LRRIQ3: variants seen among roughly 807,000 people sequenced by gnomAD.
The protein encoded by LRRIQ3 is leucine-rich repeat and IQ domain-containing protein 3.
A neutral mutation model predicts 59.3 loss-of-function variants in LRRIQ3; 75 were observed. The observed-to-expected ratio is 1.26, with a 90% confidence interval of 1.05 to 1.53. The LOEUF (loss-of-function observed/expected upper bound fraction) is 1.53. Ranked by LOEUF, LRRIQ3 falls within the 40% of genes most tolerant of loss-of-function variation. LRRIQ3 has a pLI of 0.00. For synonymous variants in LRRIQ3, 250 were observed against 231.3 expected, an observed-to-expected ratio of 1.08 and a Z score of -0.73; for missense variants, 831 against 710.0, an observed-to-expected ratio of 1.17 and a Z score of -1.94.
At chr1:74,197,038 T>G (rs1178744483) in intron 1 of LRRIQ3, among the ~76,000 whole-genome samples, 1 of 152,232 alleles carries the variant, frequency 6.6e-6, no homozygotes, top group East Asian at 1.9e-4. Flanking sequence ...TTTGGTTACT[T>G]TCACTCAAGT....
intron 4 of LRRIQ3, among the ~76,000 whole-genome samples, chr1:74,130,537 C>T (rs945839863): frequency 1.3e-5 from 2 of 152,114 alleles, no homozygotes; most frequent in Non-Finnish European, 2.9e-5. Context: ...TCTTGAGTGG[C>T]TCCTTCATTG....
chr1:74,182,182 C>A (rs1650020260), intron 3 of LRRIQ3: 1 of 152,630 alleles, frequency 6.6e-6, no homozygotes, highest in Non-Finnish European at 1.5e-5. Context: ...AATATTTTAT[C>A]TTCTAATAAT....
chr1:74,107,083 T>C (rs1302244922), intron 5 of LRRIQ3, among the ~76,000 whole-genome samples: 1 of 152,026 alleles, frequency 6.6e-6, no homozygotes, highest in African/African-American at 2.4e-5. Flanking sequence ...TTTGAATATC[T>C]AGTTTTGCAT....
intron 3 of LRRIQ3, among the ~76,000 whole-genome samples, chr1:74,174,993 G>C (rs1649551122): frequency 6.6e-6 from 1 of 152,140 alleles, no homozygotes; most frequent in Non-Finnish European, 1.5e-5. Context: ...GTTGGTGCTT[G>C]TGCATTTTAA....
At chr1:74,072,557 T>C (rs1655057413) in intron 6 of LRRIQ3, among the ~76,000 whole-genome samples, 1 of 151,928 alleles carries the variant, frequency 6.6e-6, no homozygotes, top group Non-Finnish European at 1.5e-5. Context: ...TTTCTTCATA[T>C]TTGGGCTTGT....
intron 6 of LRRIQ3, among the ~76,000 whole-genome samples, chr1:74,052,803 T>C (rs1159784531): frequency 6.6e-6 from 1 of 152,188 alleles, no homozygotes; most frequent in Non-Finnish European, 1.5e-5. Flanking sequence ...ATGTGTATTA[T>C]ATCTGACTTC....
chr1:74,098,485 G>C (rs963949208), intron 5 of LRRIQ3, among the ~76,000 whole-genome samples: 1 of 151,924 alleles, frequency 6.6e-6, no homozygotes, highest in Non-Finnish European at 1.5e-5. Flanking sequence ...GTCAACATTA[G>C]GCAGATCAAC....
chr1:74,130,738 G>T (rs1263124053), intron 4 of LRRIQ3, among the ~76,000 whole-genome samples: 1 of 151,952 alleles, frequency 6.6e-6, no homozygotes, highest in Non-Finnish European at 1.5e-5. Flanking sequence ...ATTGTTGTTT[G>T]TTTTTAAATA....
chr1:74,149,963 C>T (rs1362411379), intron 4 of LRRIQ3, among the ~76,000 whole-genome samples: 1 of 152,136 alleles, frequency 6.6e-6, no homozygotes, highest in Non-Finnish European at 1.5e-5. Flanking sequence ...CCAGTGTACC[C>T]ATACAACTAA....
intron 4 of LRRIQ3, among the ~76,000 whole-genome samples, chr1:74,130,384 C>A (rs1428576430): frequency 1.3e-5 from 2 of 152,062 alleles, no homozygotes; most frequent in East Asian, 1.9e-4. Context: ...TGTGACAGGG[C>A]AGCACTAAAT....
chr1:74,064,767 C>A (rs1654822358), intron 6 of LRRIQ3, among the ~76,000 whole-genome samples: 1 of 151,940 alleles, frequency 6.6e-6, no homozygotes, highest in South Asian at 2.1e-4. Context: ...CTGCCTCTGG[C>A]CTCATTATAT....
At chr1:74,083,852 A>G (rs1209569170) in intron 5 of LRRIQ3, 2 of 225,474 alleles carry the variant, frequency 8.9e-6, no homozygotes, top group East Asian at 9.0e-5. Flanking sequence ...AAAAAGGATG[A>G]ACAGCTTAAA....
At chr1:74,033,980 A>T (rs1653794744) in intron 7 of LRRIQ3, among the ~76,000 whole-genome samples, 1 of 151,954 alleles carries the variant, frequency 6.6e-6, no homozygotes, top group Admixed American at 6.6e-5. Context: ...TGATACATAG[A>T]TTCTTTCATT....
At chr1:74,154,165 C>T (rs1403410601) in intron 4 of LRRIQ3, among the ~76,000 whole-genome samples, 10 of 135,648 alleles carry the variant, frequency 7.4e-5, no homozygotes, top group Admixed American at 2.6e-4. Context: ...GGCGTGAACC[C>T]GGAAGTCAGA....
chr1:74,164,520 T>A (rs1648855594), intron 3 of LRRIQ3, among the ~76,000 whole-genome samples: 1 of 151,374 alleles, frequency 6.6e-6, no homozygotes, highest in Non-Finnish European at 1.5e-5. Context: ...TAAATACATT[T>A]CTCTTTAAGC....
intron 5 of LRRIQ3, among the ~76,000 whole-genome samples, chr1:74,087,381 C>CTTTTTTTTTTTTTTTTTTTTTTTT (rs57068994): frequency 3.4e-5 from 2 of 59,006 alleles, no homozygotes; most frequent in African/African-American, 1.4e-4. Flanking sequence ...AAAATTTTAT[C>CTTTTTTTTTTTTTTTTTTTTTTTT]TTTTTTTTTT....
chr1:74,163,672 A>G (rs913455926), intron 3 of LRRIQ3, among the ~76,000 whole-genome samples: 1 of 151,576 alleles, frequency 6.6e-6, no homozygotes, highest in African/African-American at 2.4e-5. Flanking sequence ...AAGGACATCT[A>G]GGTATTTTCC....
chr1:74,150,819 C>T (rs1416400201), intron 4 of LRRIQ3, among the ~76,000 whole-genome samples: 1 of 151,946 alleles, frequency 6.6e-6, no homozygotes, highest in East Asian at 1.9e-4. Context: ...TTTGAATTGC[C>T]TTAAATTTAC....
chr1:74,123,590 A>T (rs1248940484), intron 4 of LRRIQ3, among the ~76,000 whole-genome samples: 2 of 152,022 alleles, frequency 1.3e-5, no homozygotes, highest in Admixed American at 6.6e-5. Context: ...CACTTAACAT[A>T]ATGACTTCCA....
Sources: allele counts gnomAD v4.1 joint callset (sites outside exome capture counted in the v4.1 genomes callset), GRCh38; gene constraint gnomAD v4.1.1; transcripts MANE v1.5; gene names NCBI Gene and HGNC (gene_info 2026-07-23, HGNC 2026-07-21).